Variants in DGKB observed in about 807,000 individuals in gnomAD.
DGKB encodes 90 kDa diacylglycerol kinase.
A neutral mutation model predicts 114.3 loss-of-function variants in DGKB; 67 were observed. That is an observed-to-expected ratio of 0.59 (90% CI 0.48 to 0.72). The LOEUF (loss-of-function observed/expected upper bound fraction) is 0.72. DGKB is among the 30% of genes least tolerant of loss of function. The pLI is 0.00. For missense variants in DGKB, 907 were observed against 975.2 expected (o/e 0.93, Z 0.93); for synonymous variants, 398 against 323.1 (o/e 1.23, Z -2.49).
chr7:14,695,494 C>CTTTTTTTTTTTTTTTTTTTTTGTTTTTTT (rs1823675455), intron 8 of DGKB, among the ~76,000 whole-genome samples: 1 of 75,156 alleles, frequency 1.3e-5, no homozygotes, highest in Non-Finnish European at 2.3e-5. Context: ...CTCTCTCTCT[C>CTTTTTTTTTTTTTTTTTTTTTGTTTTTTT]TTTTTTTTTT....
chr7:14,831,652 A>C (rs990747214), intron 2 of DGKB, among the ~76,000 whole-genome samples: 4 of 152,050 alleles, frequency 2.6e-5, no homozygotes, highest in African/African-American at 9.7e-5. Flanking sequence ...TAATTAATAC[A>C]GTTCTTTGTC....
intron 21 of DGKB, among the ~76,000 whole-genome samples, chr7:14,381,797 G>C (rs769668400): frequency 6.6e-6 from 1 of 152,118 alleles, no homozygotes; most frequent in Non-Finnish European, 1.5e-5. Context: ...TAGCCACACT[G>C]TAATCACAAA....
chr7:14,568,488 G>A (rs1407389943), intron 20 of DGKB, among the ~76,000 whole-genome samples: 1 of 151,982 alleles, frequency 6.6e-6, no homozygotes, highest in Admixed American at 6.6e-5. Context: ...TCCAGGTATG[G>A]GCCCACTAAA....
At chr7:14,935,243 G>C (rs1785214800) in intron 1 of DGKB, among the ~76,000 whole-genome samples, 1 of 151,504 alleles carries the variant, frequency 6.6e-6, no homozygotes, top group South Asian at 2.1e-4. Context: ...AAAGAGGTAG[G>C]TGTGTCACAC....
At chr7:14,560,146 T>C (rs193052753) in intron 20 of DGKB, among the ~76,000 whole-genome samples, 29 of 152,254 alleles carry the variant, frequency 1.9e-4, no homozygotes, top group Admixed American at 1.6e-3. Flanking sequence ...ATATTTAGTC[T>C]TTCTCCTCTT....
chr7:14,343,256 A>G (rs1811926171), intron 22 of DGKB, among the ~76,000 whole-genome samples: 1 of 151,444 alleles, frequency 6.6e-6, no homozygotes, highest in South Asian at 2.1e-4. Context: ...TGATTTATAA[A>G]TATTATTTTA....
chr7:14,830,089 G>T (rs550685966), intron 2 of DGKB, among the ~76,000 whole-genome samples: 1 of 152,114 alleles, frequency 6.6e-6, no homozygotes, highest in Admixed American at 6.6e-5. Flanking sequence ...GGGGAGGAGA[G>T]TGGAAAGTAA....
At chr7:14,422,321 CT>C (rs1563151078) in intron 21 of DGKB, among the ~76,000 whole-genome samples, 1 of 152,078 alleles carries the variant, frequency 6.6e-6, no homozygotes, top group Non-Finnish European at 1.5e-5. Flanking sequence ...CTGAAGTTAA[CT>C]TTTTTGTTGT....
chr7:14,917,710 A>G (rs193097068), intron 1 of DGKB, among the ~76,000 whole-genome samples: 447 of 152,050 alleles, frequency 2.9e-3, no homozygotes, highest in Non-Finnish European at 5.3e-3. Flanking sequence ...AATAATACCA[A>G]TTCTCTAAAA....
chr7:14,874,928 T>C (rs1853044596), intron 1 of DGKB, among the ~76,000 whole-genome samples: 2 of 152,120 alleles, frequency 1.3e-5, no homozygotes, highest in African/African-American at 2.4e-5. Context: ...CCAAACTCTT[T>C]TTTATTTTGC....
chr7:14,926,467 T>C (rs1156370198), intron 1 of DGKB, among the ~76,000 whole-genome samples: 1 of 151,838 alleles, frequency 6.6e-6, no homozygotes, highest in African/African-American at 2.4e-5. Context: ...CCTATTTTTT[T>C]CTCATTGCTT....
At chr7:14,526,555 A>G (rs1168903784) in intron 20 of DGKB, among the ~76,000 whole-genome samples, 1 of 152,190 alleles carries the variant, frequency 6.6e-6, no homozygotes, top group Non-Finnish European at 1.5e-5. Flanking sequence ...TTGTGATAAG[A>G]GATAGCTTTT....
chr7:14,740,792 AC>A (rs1373569721), intron 4 of DGKB, among the ~76,000 whole-genome samples: 1 of 151,840 alleles, frequency 6.6e-6, no homozygotes, highest in Non-Finnish European at 1.5e-5. Flanking sequence ...GGATAATCCC[AC>A]CCCCTAGGCC....
At chr7:14,971,145 C>T (rs892962599) in intron 1 of DGKB, among the ~76,000 whole-genome samples, 1 of 152,092 alleles carries the variant, frequency 6.6e-6, no homozygotes, top group African/African-American at 2.4e-5. Flanking sequence ...ACAGCATCTG[C>T]AGGTGGGATT....
At chr7:14,599,731 G>C (rs1026654049) in intron 17 of DGKB, among the ~76,000 whole-genome samples, 14 of 152,132 alleles carry the variant, frequency 9.2e-5, no homozygotes, top group Admixed American at 9.2e-4. Flanking sequence ...GCAGTGATGA[G>C]ATTGTTCCTG....
intron 21 of DGKB, among the ~76,000 whole-genome samples, chr7:14,401,664 C>A (rs919409285): frequency 6.6e-6 from 1 of 151,854 alleles, no homozygotes; most frequent in African/African-American, 2.4e-5. Context: ...TAACTCTAAA[C>A]ATAATCGCTT....
At chr7:14,372,380 C>T (rs1469893371) in intron 21 of DGKB, among the ~76,000 whole-genome samples, 1 of 152,120 alleles carries the variant, frequency 6.6e-6, no homozygotes, top group African/African-American at 2.4e-5. Flanking sequence ...GGCAAGCTAC[C>T]TCTAATCTGC....
intron 20 of DGKB, among the ~76,000 whole-genome samples, chr7:14,567,355 T>A (rs1401520019): frequency 5.8e-5 from 2 of 34,776 alleles, no homozygotes; most frequent in East Asian, 2.0e-3. Flanking sequence ...ATATATATAA[T>A]TATATTATAT....
chr7:14,742,088 G>T (rs1280292114), intron 4 of DGKB, among the ~76,000 whole-genome samples: 1 of 152,144 alleles, frequency 6.6e-6, no homozygotes, highest in Non-Finnish European at 1.5e-5. Context: ...AAATGGAAAA[G>T]ATATAATGTA....
Sources: gnomAD v4.1 joint callset for allele counts (sites outside exome capture counted in the v4.1 genomes callset) on GRCh38, gnomAD v4.1.1 for gene constraint, MANE v1.5 for transcripts, NCBI Gene and HGNC (gene_info 2026-07-23, HGNC 2026-07-21) for gene names.